Variants in OSBPL8 observed in about 807,000 individuals in gnomAD.
The protein encoded by OSBPL8 is oxysterol binding protein like 8.
OSBPL8 carries 59 observed loss-of-function variants against 125.5 expected under a neutral mutation model. The observed-to-expected ratio is 0.47, with a 90% CI of 0.38 to 0.58. OSBPL8 has a LOEUF of 0.58. Among genes scored for constraint, OSBPL8 ranks in the 20% least tolerant of loss-of-function variants. The pLI is 0.00. For missense variants in OSBPL8, 758 were observed against 1,047.8 expected, an observed-to-expected ratio of 0.72 and a Z score of 3.82; for synonymous variants, 330 against 338.9, an observed-to-expected ratio of 0.97 and a Z score of 0.29.
chr12:76,385,286 CCAT>C (rs1221359271), intron 14 of OSBPL8, among the ~76,000 whole-genome samples: 1 of 152,090 alleles, frequency 6.6e-6, no homozygotes, highest in Non-Finnish European at 1.5e-5. Flanking sequence ...GTGAGAATTA[CCAT>C]AATAAGGAGC....
At chr12:76,554,552 TA>T (rs981402500) in intron 1 of OSBPL8, among the ~76,000 whole-genome samples, 16 of 152,014 alleles carry the variant, frequency 1.1e-4, no homozygotes, top group African/African-American at 3.9e-4. Flanking sequence ...TGCTCAGGTT[TA>T]AAAAAAAGAA....
rs547794716 is a variant in OSBPL8 at position 76,527,502 on chromosome 12, A to G, written c.-68+31895T>C. On this transcript the variant is annotated intron_variant, in intron 1 of 23. Coordinates refer to ENST00000261183, the MANE Select transcript of OSBPL8 (RefSeq NM_020841.5). ...ATGGAAAGCCTTATCATCGAGTATAAATCTGTCAATTAGAATTACATATCT... is the reference window on the plus strand; with the variant it reads ...ATGGAAAGCCTTATCATCGAGTATAGATCTGTCAATTAGAATTACATATCT... 2.6e-5 allele frequency among the ~76,000 whole-genome samples: 4 copies of G among 152,322 alleles called. No individual in the cohort carries two copies. The South Asian group carries it at 8.3e-4, about 32-fold the overall frequency.
Position 76,436,514 on chromosome 12 carries a change from C to CA in OSBPL8, c.217+14336dup, listed in dbSNP as rs568720307. Among the ~76,000 whole-genome samples the CA allele has an allele frequency of 4.4e-3, 628 of 143,830 alleles. 6 individuals carry two copies. Among genetic ancestry groups the CA allele is most frequent in the African/African-American group, 0.014 (564 of 39,298 alleles). 94.4% of individuals were successfully genotyped at this position (143,830 alleles called of 152,430 possible). The stretch of plus-strand genomic sequence containing the variant: ...CATTTTCGTCTTAATAAGACACATT[C>CA]AAAAAAAAAAGAAAACAAACCTGTA... On this transcript the variant is annotated intron_variant, in intron 4 of 23. Transcript: ENST00000261183.
Position 76,355,610 on chromosome 12 carries a change from G to A in OSBPL8, c.*279C>T, listed in dbSNP as rs1320218814. On this transcript the variant is annotated 3_prime_UTR_variant, in exon 24 of 24. Coordinates refer to ENST00000261183, the MANE Select transcript of OSBPL8 (RefSeq NM_020841.5). ...GTAGGAGTACATAAGAGACAATTGT[G>A]TATACATGTGGGTTTATTATACTCA... 3.6e-6 allele frequency: 1 copy of A among 275,310 alleles called. No homozygotes were observed. The highest frequency in any genetic ancestry group is 7.6e-5 in the East Asian group (1 of 13,208). The allele number at this position is 275,310 out of a possible 1,614,324, so 17.1% of individuals were successfully genotyped here. A position where few individuals can be genotyped will look rare whatever the true frequency, so the allele number is the denominator to read the frequency against.
At chr12:76,506,250 T>C (rs977474599) in intron 1 of OSBPL8, among the ~76,000 whole-genome samples, 1 of 152,198 alleles carries the variant, frequency 6.6e-6, no homozygotes, top group Non-Finnish European at 1.5e-5. Context: ...AAGGGATGGA[T>C]ATCAGGAGCT....
At chr12:76,550,934 C>T (rs1950918408) in intron 1 of OSBPL8, among the ~76,000 whole-genome samples, 1 of 152,046 alleles carries the variant, frequency 6.6e-6, no homozygotes, top group South Asian at 2.1e-4. Flanking sequence ...AGTAGCCAGC[C>T]ACAGTGGCAC....
chr12:76,421,953 C>A (rs1455431363), intron 4 of OSBPL8, among the ~76,000 whole-genome samples: 1 of 151,784 alleles, frequency 6.6e-6, no homozygotes, highest in African/African-American at 2.4e-5. Context: ...CATCTAACAA[C>A]AAGAGGAAGC....
At chr12:76,466,741 T>C (rs1875484529) in intron 2 of OSBPL8, among the ~76,000 whole-genome samples, 1 of 152,100 alleles carries the variant, frequency 6.6e-6, no homozygotes, top group Non-Finnish European at 1.5e-5. Flanking sequence ...GGTGGATCAT[T>C]TGAGGTCAGG....
chr12:76,524,737 G>A (rs970960902), intron 1 of OSBPL8, among the ~76,000 whole-genome samples: 1 of 148,768 alleles, frequency 6.7e-6, no homozygotes, highest in Non-Finnish European at 1.5e-5. Context: ...AGGCTGGAGT[G>A]CAGTGGCACA....
chr12:76,521,505 T>A (rs1356908981), intron 1 of OSBPL8, among the ~76,000 whole-genome samples: 1 of 152,202 alleles, frequency 6.6e-6, no homozygotes, highest in Non-Finnish European at 1.5e-5. Context: ...TGTACACCCA[T>A]GTTCACAGCA....
In OSBPL8 at chr12:76,378,463, G is replaced by A; in HGVS notation, c.1718C>T (p.Ala573Val). Residue 573 changes from alanine to valine, a missense_variant, in exon 16 of 24, where the codon GCT becomes GTT. By Grantham distance (64) the Ala-to-Val change is moderately conservative. This residue lies in a region of OSBPL8 where 572 missense variants were observed against 762.0 expected (regional missense o/e 0.75). Transcript: ENST00000261183. Reference protein sequence around the residue: ...GEDYVMTMPYAHCKGILYGTM... With the variant: ...GEDYVMTMPYVHCKGILYGTM... ...TAGAAAATATTTACCTTTACAATGA[G>A]CGTATGGCATTGTCATTACATAATC... is the stretch of plus-strand genomic sequence containing the variant. 6.3e-7 allele frequency: 1 copy of A among 1,582,604 alleles called. No individual in the cohort carries two copies. Among genetic ancestry groups the A allele is most frequent in the Non-Finnish European group, 8.7e-7 (1 of 1,154,756 alleles).
chr12:76,519,345 A>G lies in OSBPL8; in HGVS notation c.-67-31727T>C, dbSNP rs182645597. Reference sequence around the variant, plus strand: ...AACAAGTTCCTCATTTCCATCTGAGACCTCATCAGGCTAGCCTTCACTGTC... The same window carrying G: ...AACAAGTTCCTCATTTCCATCTGAGGCCTCATCAGGCTAGCCTTCACTGTC... On this transcript the variant is annotated intron_variant, in intron 1 of 23. Transcript: ENST00000261183. Among the ~76,000 whole-genome samples, 3 of 152,260 alleles carry G rather than the reference A, an allele frequency of 2.0e-5. No individual in the cohort carries two copies. In the East Asian group the frequency reaches 5.8e-4, roughly 30 times the overall value.
intron 21 of OSBPL8, among the ~76,000 whole-genome samples, chr12:76,361,674 G>A (rs894085210): frequency 6.6e-6 from 1 of 152,182 alleles, no homozygotes; most frequent in African/African-American, 2.4e-5. Flanking sequence ...GGCAGAGGGT[G>A]AAAGGCCCCC....
chr12:76,505,647 G>A (rs553899304), intron 1 of OSBPL8, among the ~76,000 whole-genome samples: 1 of 152,114 alleles, frequency 6.6e-6, no homozygotes, highest in African/African-American at 2.4e-5. Flanking sequence ...CAAGACCTCA[G>A]TAACATGAGG....
chr12:76,500,283 T>C (rs1879767327), intron 1 of OSBPL8, among the ~76,000 whole-genome samples: 1 of 152,262 alleles, frequency 6.6e-6, no homozygotes, highest in Non-Finnish European at 1.5e-5. Flanking sequence ...CACCAGTGCC[T>C]TCATAGATCC....
intron 4 of OSBPL8, among the ~76,000 whole-genome samples, chr12:76,446,686 GATA>G (rs887300044): frequency 1.8e-4 from 27 of 152,094 alleles, no homozygotes; most frequent in African/African-American, 6.3e-4. Flanking sequence ...TGACAGTAAT[GATA>G]ATAATATTAT....
At chr12:76,535,694 A>G (rs946657692) in intron 1 of OSBPL8, among the ~76,000 whole-genome samples, 5 of 152,242 alleles carry the variant, frequency 3.3e-5, no homozygotes, top group African/African-American at 1.2e-4. Context: ...ATACTGTAAT[A>G]GTATTCCTAT....
At chr12:76,497,834 T>C (rs1324425565) in intron 1 of OSBPL8, among the ~76,000 whole-genome samples, 2 of 152,200 alleles carry the variant, frequency 1.3e-5, no homozygotes, top group Non-Finnish European at 2.9e-5. Flanking sequence ...ATAACACTTC[T>C]CTCCATAACT....
intron 4 of OSBPL8, among the ~76,000 whole-genome samples, chr12:76,433,958 G>A (rs1252811697): frequency 2.6e-5 from 3 of 116,910 alleles, no homozygotes; most frequent in African/African-American, 3.4e-5. Context: ...TTGGGCAACA[G>A]AGTGAGACTC....
Sources: allele counts gnomAD v4.1 joint callset (sites outside exome capture counted in the v4.1 genomes callset), GRCh38; gene constraint gnomAD v4.1.1; regional missense constraint gnomAD v4.1.1; transcripts MANE v1.5; gene names NCBI Gene and HGNC (gene_info 2026-07-23, HGNC 2026-07-21).